Variants in ROBO2 observed in about 807,000 individuals in gnomAD.
ROBO2 encodes the protein roundabout guidance receptor 2.
ROBO2 carries 53 observed loss-of-function variants against 160.8 expected under a neutral mutation model. The ratio of observed to expected loss-of-function variants is 0.33; its 90% confidence interval spans 0.26 to 0.41. The LOEUF (loss-of-function observed/expected upper bound fraction) is 0.41. Among genes scored for constraint, ROBO2 ranks in the 10% least tolerant of loss-of-function variants. ROBO2 has a pLI of 1.00. For missense variants in ROBO2, 1,577 were observed against 1,722.4 expected (o/e 0.92, Z 1.49); for synonymous variants, 664 against 611.7 (o/e 1.09, Z -1.26).
At chr3:75,971,613 TAA>T (rs2064996473) in intron 2 of ROBO2, among the ~76,000 whole-genome samples, 1 of 151,534 alleles carries the variant, frequency 6.6e-6, no homozygotes, top group Admixed American at 6.6e-5. Context: ...TCTAGATTAT[TAA>T]AAATTCATTT....
chr3:77,150,155 A>G (rs1372886065), intron 2 of ROBO2, among the ~76,000 whole-genome samples: 1 of 152,188 alleles, frequency 6.6e-6, no homozygotes, highest in Non-Finnish European at 1.5e-5. Context: ...TTTAACGAAA[A>G]CACTCAAAAC....
intron 2 of ROBO2, among the ~76,000 whole-genome samples, chr3:76,856,481 A>T (rs1435693239): frequency 6.6e-6 from 1 of 152,178 alleles, no homozygotes; most frequent in Non-Finnish European, 1.5e-5. Context: ...TCTGAATGCA[A>T]TACACTATTT....
chr3:76,723,583 C>T (rs974240420), intron 2 of ROBO2, among the ~76,000 whole-genome samples: 1 of 152,176 alleles, frequency 6.6e-6, no homozygotes, highest in South Asian at 2.1e-4. Flanking sequence ...ACTTCATTCT[C>T]ATACAAAATT....
intron 2 of ROBO2, among the ~76,000 whole-genome samples, chr3:77,225,490 T>C (rs78131050): frequency 1.4e-5 from 2 of 139,238 alleles, no homozygotes; most frequent in South Asian, 4.2e-4. Context: ...AGTCTTGTTA[T>C]TTTTTTTTCT....
intron 2 of ROBO2, among the ~76,000 whole-genome samples, chr3:77,108,132 A>G (rs1430711894): frequency 6.6e-6 from 1 of 151,668 alleles, no homozygotes. Flanking sequence ...TGAGTATATT[A>G]TACATATATG....
At chr3:77,053,950 A>G (rs532187405) in intron 1 of ROBO2, among the ~76,000 whole-genome samples, 12 of 152,288 alleles carry the variant, frequency 7.9e-5, no homozygotes, top group African/African-American at 2.6e-4. Flanking sequence ...TATAGTGCCC[A>G]TTTAGGGAGT....
At chr3:76,132,151 G>A (rs866474330) in intron 2 of ROBO2, among the ~76,000 whole-genome samples, 2 of 152,076 alleles carry the variant, frequency 1.3e-5, no homozygotes, top group Non-Finnish European at 2.9e-5. Context: ...AATAAAATCC[G>A]CACAGGGAAG....
intron 2 of ROBO2, among the ~76,000 whole-genome samples, chr3:77,098,684 A>G (rs182255459): frequency 0.025 from 3,797 of 152,078 alleles, 68 homozygotes; most frequent in South Asian, 0.059. Context: ...CGTCTCTACA[A>G]AAAATACAAA....
intron 2 of ROBO2, among the ~76,000 whole-genome samples, chr3:77,229,370 C>T (rs967791221): frequency 2.0e-5 from 3 of 151,976 alleles, no homozygotes; most frequent in African/African-American, 7.3e-5. Context: ...TCAGTGGAGG[C>T]TTAAGGACAT....
chr3:76,108,210 C>T (rs1016376870), intron 2 of ROBO2, among the ~76,000 whole-genome samples: 1 of 152,024 alleles, frequency 6.6e-6, no homozygotes, highest in African/African-American at 2.4e-5. Flanking sequence ...AGTTTAGGAT[C>T]TGATAGTTTG....
intron 2 of ROBO2, among the ~76,000 whole-genome samples, chr3:77,315,264 A>G (rs2063877937): frequency 6.6e-6 from 1 of 152,236 alleles, no homozygotes; most frequent in Non-Finnish European, 1.5e-5. Context: ...TACATAAACA[A>G]GCACACAATT....
intron 2 of ROBO2, among the ~76,000 whole-genome samples, chr3:76,044,262 G>C (rs1023385783): frequency 1.3e-5 from 2 of 152,046 alleles, no homozygotes; most frequent in Non-Finnish European, 1.5e-5. Flanking sequence ...GTGGGTGAAT[G>C]TAAGCATTCT....
intron 5 of ROBO2, among the ~76,000 whole-genome samples, chr3:77,519,642 TATATATGC>T (rs1381536769): frequency 6.6e-6 from 1 of 151,562 alleles, no homozygotes; most frequent in Non-Finnish European, 1.5e-5. Flanking sequence ...TATTCCATGG[TATATATGC>T]ATCACATTTT....
At chr3:76,853,434 T>C (rs925869998) in intron 2 of ROBO2, among the ~76,000 whole-genome samples, 1 of 152,102 alleles carries the variant, frequency 6.6e-6, no homozygotes, top group African/African-American at 2.4e-5. Context: ...GAGTGAACAA[T>C]ACTTAGTTTC....
intron 2 of ROBO2, among the ~76,000 whole-genome samples, chr3:76,417,810 T>C (rs1247455005): frequency 6.6e-6 from 1 of 152,132 alleles, no homozygotes; most frequent in Non-Finnish European, 1.5e-5. Flanking sequence ...TAGTTGATTC[T>C]TGTCTAATCA....
intron 2 of ROBO2, among the ~76,000 whole-genome samples, chr3:76,997,113 A>G (rs1042829110): frequency 1.3e-5 from 2 of 152,142 alleles, no homozygotes; most frequent in African/African-American, 2.4e-5. Context: ...GCTACTCCAT[A>G]TTTTACAGAA....
intron 2 of ROBO2, among the ~76,000 whole-genome samples, chr3:76,022,817 AAG>A (rs967541792): frequency 6.6e-6 from 1 of 151,684 alleles, no homozygotes; most frequent in African/African-American, 2.4e-5. Context: ...AGCCCCTACA[AAG>A]AGTGTCACCC....
At chr3:77,602,228 C>T (rs769331626) in exon 20 of ROBO2, 2 of 1,614,156 alleles carry the variant, frequency 1.2e-6, no homozygotes, top group South Asian at 1.1e-5. Context: ...CCACCAGTTC[C>T]AGGCCAAGGG....
At chr3:77,495,154 G>A (rs539831348) in intron 5 of ROBO2, among the ~76,000 whole-genome samples, 2 of 152,094 alleles carry the variant, frequency 1.3e-5, no homozygotes, top group Non-Finnish European at 2.9e-5. Context: ...AAATATTAAT[G>A]TAAGGTGAAG....
Sources: gnomAD v4.1 joint callset for allele counts (sites outside exome capture counted in the v4.1 genomes callset) on GRCh38, gnomAD v4.1.1 for gene constraint, MANE v1.5 for transcripts, NCBI Gene and HGNC (gene_info 2026-07-23, HGNC 2026-07-21) for gene names.